GPT2: variants seen among roughly 807,000 people sequenced by gnomAD.
The protein encoded by GPT2 is glutamic--pyruvic transaminase 2.
Under a neutral mutation model 56.9 loss-of-function variants are expected in GPT2, and 30 were observed. The observed-to-expected ratio is 0.53, with a 90% CI of 0.39 to 0.72. The LOEUF (loss-of-function observed/expected upper bound fraction) is 0.72. Among genes scored for constraint, GPT2 ranks in the 30% least tolerant of loss-of-function variants. The probability of loss-of-function intolerance (pLI) is 0.00; values close to 1 mark genes in which losing one functional copy is unlikely to be tolerated. For missense variants in GPT2, 542 were observed against 703.4 expected (o/e 0.77, Z 2.60); for synonymous variants, 271 against 283.1 (o/e 0.96, Z 0.43).
At position 46,884,886 on chromosome 16, in the gene GPT2, G is replaced by A. The variant is rs1567330927; in HGVS notation, c.171G>A (p.Val57=). Reference sequence around the variant, plus strand: ...CGCTGGAGTCCATGAACCCGCAGGTGAAGGCGGTGGAGTACGCCGTGCGGG... The same window carrying A: ...CGCTGGAGTCCATGAACCCGCAGGTAAAGGCGGTGGAGTACGCCGTGCGGG... ...ILTLESMNPQ[V]KAVEYAVRGP... is the part of the protein sequence containing the mutation. The change falls in exon 2 of 12, where the codon GTG becomes GTA. Residue 57 remains valine (V), a synonymous_variant. Coordinates refer to ENST00000340124, the MANE Select transcript of GPT2 (RefSeq NM_133443.4). The A allele has an allele frequency of 2.6e-6, 4 of 1,544,548 alleles. No homozygotes were observed. Among genetic ancestry groups the A allele is most frequent in the Non-Finnish European group, 8.7e-7 (1 of 1,145,156 alleles).
chr16:46,919,000 A>G (rs1008059110), intron 8 of GPT2, among the ~76,000 whole-genome samples: 4 of 152,202 alleles, frequency 2.6e-5, no homozygotes, highest in South Asian at 2.1e-4. Context: ...ACAGGACTAC[A>G]TGGCAGCTTG....
intron 4 of GPT2, among the ~76,000 whole-genome samples, chr16:46,905,340 C>T (rs555699221): frequency 6.6e-6 from 1 of 152,240 alleles, no homozygotes; most frequent in African/African-American, 2.4e-5. Context: ...TGAACCACTG[C>T]GCCCGACCCC....
intron 4 of GPT2, among the ~76,000 whole-genome samples, chr16:46,901,480 T>C (rs1206366908): frequency 6.6e-6 from 1 of 152,150 alleles, no homozygotes; most frequent in Admixed American, 6.5e-5. Flanking sequence ...GGCCTCCAGG[T>C]TTTTGTTCTG....
chr16:46,905,381 G>A (rs778678501), intron 4 of GPT2, among the ~76,000 whole-genome samples: 2 of 152,110 alleles, frequency 1.3e-5, no homozygotes, highest in Non-Finnish European at 2.9e-5. Context: ...GTTCCTCCTC[G>A]ATGCCAGGCC....
At chr16:46,926,313 G>A (rs1961410140) in intron 10 of GPT2, among the ~76,000 whole-genome samples, 1 of 152,154 alleles carries the variant, frequency 6.6e-6, no homozygotes, top group East Asian at 1.9e-4. Flanking sequence ...GCCAGGTGTG[G>A]TGGCACATGC....
chr16:46,889,408 C>A (rs1260963151), intron 2 of GPT2, among the ~76,000 whole-genome samples: 1 of 152,014 alleles, frequency 6.6e-6, no homozygotes, highest in Non-Finnish European at 1.5e-5. Context: ...CAGGTGTGTG[C>A]CACCATGCTG....
intron 2 of GPT2, among the ~76,000 whole-genome samples, chr16:46,893,316 A>G (rs1960619444): frequency 6.6e-6 from 1 of 152,140 alleles, no homozygotes; most frequent in Non-Finnish European, 1.5e-5. Flanking sequence ...TATTTTTAGT[A>G]GAGACGGGGT....
At chr16:46,912,399 T>C (rs1567339841) in intron 6 of GPT2, among the ~76,000 whole-genome samples, 3 of 152,168 alleles carry the variant, frequency 2.0e-5, no homozygotes, top group Non-Finnish European at 4.4e-5. Context: ...CTGAGCTGCC[T>C]TACAGCCGAG....
At chr16:46,915,755 C>CACACACACCACAT (rs1961141765) in intron 6 of GPT2, 1 of 150,284 alleles carries the variant, frequency 6.7e-6, no homozygotes, top group Non-Finnish European at 1.5e-5. Flanking sequence ...TACAGACTCA[C>CACACACACCACAT]ACACACACCA....
chr16:46,929,127 C>A lies in GPT2; in HGVS notation c.*130C>A, dbSNP rs184015330. 337 of 681,666 alleles carry A rather than the reference C, an allele frequency of 4.9e-4. 3 individuals carry two copies. The East Asian group carries it at 8.0e-3, about 16-fold the overall frequency. 42.2% of individuals were successfully genotyped at this position (681,666 alleles called of 1,614,324 possible). On this transcript the variant is annotated 3_prime_UTR_variant, in exon 12 of 12. Transcript: ENST00000340124. The stretch of plus-strand genomic sequence containing the variant: ...CGCTGGTCACTTCGTCATCATTTTG[C>A]CCCTGGAGACGTCTTTCTTTGTGCC...
At chr16:46,916,570 TG>T in intron 6 of GPT2, 57 bp from the exon 7 acceptor site, 3 of 1,322,184 alleles carry the variant, frequency 2.3e-6, no homozygotes, top group South Asian at 1.2e-5. Flanking sequence ...GCTTCTGACC[TG>T]GGGACAATTT....
intron 5 of GPT2, 85 bp from the exon 6 acceptor site, chr16:46,909,599 A>T: frequency 6.8e-7 from 1 of 1,473,284 alleles, no homozygotes; most frequent in Non-Finnish European, 9.3e-7. Flanking sequence ...GTTGGACTGG[A>T]GGCATGCAGT....
intron 4 of GPT2, among the ~76,000 whole-genome samples, chr16:46,901,542 G>A (rs1033407634): frequency 1.3e-5 from 2 of 152,204 alleles, no homozygotes; most frequent in African/African-American, 4.8e-5. Context: ...CAGCACCCAC[G>A]CTGGGAATCC....
In GPT2 at chr16:46,886,969, G is replaced by T. The variant is rs1312567161; in HGVS notation, c.243+2011G>T. 2.0e-5 allele frequency among the ~76,000 whole-genome samples: 3 copies of T among 152,254 alleles called. No homozygotes were observed. In the East Asian group the frequency reaches 5.8e-4, roughly 29 times the overall value. On this transcript the variant is annotated intron_variant, in intron 2 of 11. Coordinates refer to ENST00000340124, the MANE Select transcript of GPT2 (RefSeq NM_133443.4). Reference sequence around the variant, plus strand: ...TCTCACTGTGAGTCTCAGTTCCCCGGCTGTGGGTGCTGGCCAGACCAGCTT... The same window carrying T: ...TCTCACTGTGAGTCTCAGTTCCCCGTCTGTGGGTGCTGGCCAGACCAGCTT...
chr16:46,886,565 A>G (rs1043630966), intron 2 of GPT2, among the ~76,000 whole-genome samples: 1 of 152,128 alleles, frequency 6.6e-6, no homozygotes, highest in African/African-American at 2.4e-5. Context: ...GAGCCTTCCA[A>G]GTGGGAGCAG....
At chr16:46,902,300 G>T (rs1960834596) in intron 4 of GPT2, among the ~76,000 whole-genome samples, 1 of 152,174 alleles carries the variant, frequency 6.6e-6, no homozygotes, top group South Asian at 2.1e-4. Flanking sequence ...AAACAGGTGA[G>T]GTAGGAGTCC....
chr16:46,890,123 T>C (rs1325528921), intron 2 of GPT2, among the ~76,000 whole-genome samples: 1 of 152,220 alleles, frequency 6.6e-6, no homozygotes, highest in East Asian at 1.9e-4. Flanking sequence ...GCACTCTCAG[T>C]CACAGACGTG....
At chr16:46,918,027 A>C (rs1243461963) in intron 7 of GPT2, among the ~76,000 whole-genome samples, 2 of 152,156 alleles carry the variant, frequency 1.3e-5, no homozygotes, top group Non-Finnish European at 2.9e-5. Context: ...TGATCTCCAA[A>C]ATAGATGGGG....
intron 6 of GPT2, among the ~76,000 whole-genome samples, chr16:46,910,242 A>T (rs747830075): frequency 6.6e-5 from 10 of 152,030 alleles, no homozygotes; most frequent in Non-Finnish European, 1.2e-4. Context: ...TTAGCAGGGC[A>T]TGGTGGTGTG....
Sources: gnomAD v4.1 joint callset for allele counts (sites outside exome capture counted in the v4.1 genomes callset) on GRCh38, gnomAD v4.1.1 for gene constraint, MANE v1.5 for transcripts, NCBI Gene and HGNC (gene_info 2026-07-23, HGNC 2026-07-21) for gene names.